Variants in KRT73 observed in about 807,000 individuals in gnomAD.
The protein encoded by KRT73 is keratin 73.
KRT73 carries 44 observed loss-of-function variants against 47.2 expected under a neutral mutation model. The ratio of observed to expected loss-of-function variants is 0.93; its 90% confidence interval spans 0.73 to 1.20. The LOEUF is 1.20. Ranked by LOEUF, KRT73 falls within the 50% of genes most tolerant of loss-of-function variation. The pLI is 0.00. For missense variants in KRT73, 713 were observed against 704.5 expected (o/e 1.01, Z -0.14); for synonymous variants, 285 against 291.3 (o/e 0.98, Z 0.22).
chr12:52,611,101 AG>A, intron 6 of KRT73, 102 bp downstream of exon 6: 2 of 1,416,434 alleles, frequency 1.4e-6, no homozygotes, highest in South Asian at 2.6e-5. Flanking sequence ...CATTTGAAGA[AG>A]GGGATTCTGA....
At chr12:52,624,849 A>G in the KRT73 span, among the ~76,000 whole-genome samples, 1 of 152,082 alleles carries the variant, frequency 6.6e-6, no homozygotes, top group Non-Finnish European at 1.5e-5. Flanking sequence ...TTGGACCTCA[A>G]CTAGTTTCTG....
At chr12:52,608,595 T>TGG in intron 8 of KRT73, 143 bp from the exon 9 acceptor site, 1 of 707,320 alleles carries the variant, frequency 1.4e-6, no homozygotes, top group African/African-American at 1.8e-5. Context: ...CTTGGGTTCA[T>TGG]TTGAGCAACT....
At chr12:52,630,214 G>T in the KRT73 span, among the ~76,000 whole-genome samples, 3 of 140,268 alleles carry the variant, frequency 2.1e-5, no homozygotes, top group African/African-American at 8.3e-5. Flanking sequence ...TTTCAGGAAT[G>T]AATGAGTTAA....
the KRT73 span, among the ~76,000 whole-genome samples, chr12:52,626,831 C>T: frequency 4.9e-4 from 75 of 152,198 alleles, 2 homozygotes; most frequent in South Asian, 0.015. Flanking sequence ...TTTCCATTTG[C>T]CTGGGCTTAT....
rs1199009910 is a variant in KRT73 at position 52,618,538 on chromosome 12, G to GA, written c.-15dup. 1 of 1,583,220 alleles carries GA rather than the reference G, an allele frequency of 6.3e-7. No individual in the cohort carries two copies. Among genetic ancestry groups the GA allele is most frequent in the Admixed American group, 1.8e-5 (1 of 56,706 alleles). Reference sequence around the variant, plus strand: ...TTGGCGGCTCATGGTGGGGAGGCCAGAAAGTGGGGATAAGATGCTGACCCT... The same window carrying GA: ...TTGGCGGCTCATGGTGGGGAGGCCAGAAAAGTGGGGATAAGATGCTGACCCT... On this transcript the variant is annotated 5_prime_UTR_variant, in exon 1 of 9. Coordinates refer to ENST00000305748, the MANE Select transcript of KRT73 (RefSeq NM_175068.3).
At chr12:52,630,398 C>T in the KRT73 span, among the ~76,000 whole-genome samples, 1 of 152,182 alleles carries the variant, frequency 6.6e-6, no homozygotes, top group Non-Finnish European at 1.5e-5. Context: ...GGTCCAGCCT[C>T]CACCTCAGCC....
At chr12:52,629,688 C>G in the KRT73 span, among the ~76,000 whole-genome samples, 2 of 152,240 alleles carry the variant, frequency 1.3e-5, no homozygotes, top group Non-Finnish European at 2.9e-5. Context: ...TCTAGATTGC[C>G]TGTTCGCATG....
the KRT73 span, among the ~76,000 whole-genome samples, chr12:52,627,646 C>T: frequency 6.6e-6 from 1 of 152,186 alleles, no homozygotes; most frequent in African/African-American, 2.4e-5. Context: ...CATTTAGTTA[C>T]CTGATAATAG....
chr12:52,630,550 C>T, the KRT73 span, among the ~76,000 whole-genome samples: 3 of 152,254 alleles, frequency 2.0e-5, no homozygotes, highest in African/African-American at 2.4e-5. Flanking sequence ...CTGCACCCAC[C>T]TATGCTTGTC....
chr12:52,613,768 T>A lies in KRT73; in HGVS notation c.904A>T (p.Ile302Phe). 1 of 1,614,212 alleles carries A rather than the reference T, an allele frequency of 6.2e-7. No homozygotes were observed. The highest frequency in any genetic ancestry group is 1.1e-5 in the South Asian group (1 of 91,076). ...DNNRNLDLDS[I>F]IAEVRAQYEE... ...TACTGGGCACGGACCTCAGCAATGA[T>A]GCTGTCCAGGTCCAGGTTCCGGTTG... Residue 302 changes from isoleucine to phenylalanine, a missense_variant, in exon 5 of 9, where the codon ATC becomes TTC. Coordinates refer to ENST00000305748, the MANE Select transcript of KRT73 (RefSeq NM_175068.3).
chr12:52,617,501 C>T (rs748428913), intron 1 of KRT73, among the ~76,000 whole-genome samples: 2 of 151,962 alleles, frequency 1.3e-5, no homozygotes, highest in Non-Finnish European at 2.9e-5. Context: ...TCTAGGGCAC[C>T]GTGACCTCCA....
chr12:52,613,973 C>T (rs150341000), intron 4 of KRT73, 121 bp from the exon 5 acceptor site: 121 of 1,437,076 alleles, frequency 8.4e-5, no homozygotes, highest in Non-Finnish European at 1.1e-4. Context: ...CTGCACTTCC[C>T]AAAGCTTGTA....
In KRT73 at chr12:52,618,135, G is replaced by C; in HGVS notation, c.390C>G (p.Ala130=). 1 of 1,613,986 alleles carries C rather than the reference G, an allele frequency of 6.2e-7. No individual in the cohort carries two copies. The highest frequency in any genetic ancestry group is 2.2e-5 in the East Asian group (1 of 44,884). ...ELDPEIQKVR[A]QEREQIKVLN... ...GCACCTTGATCTGCTCCCGCTCCTGGGCACGCACTTTCTGGATTTCAGGGT... is the reference window on the plus strand; with the variant it reads ...GCACCTTGATCTGCTCCCGCTCCTGCGCACGCACTTTCTGGATTTCAGGGT... The change falls in exon 1 of 9, where the codon GCC becomes GCG. Residue 130 remains alanine, a synonymous_variant. Transcript: ENST00000305748.
upstream of KRT73, among the ~76,000 whole-genome samples, chr12:52,622,470 G>A (rs1940921420): frequency 6.6e-6 from 1 of 152,148 alleles, no homozygotes; most frequent in African/African-American, 2.4e-5. Context: ...ACCAACTCTG[G>A]GAGAGCAGCT....
At chr12:52,623,641 C>T in the KRT73 span, among the ~76,000 whole-genome samples, 4 of 152,166 alleles carry the variant, frequency 2.6e-5, no homozygotes, top group Admixed American at 2.6e-4. Flanking sequence ...AATTCTAACA[C>T]TGTCTGATGT....
intron 4 of KRT73, chr12:52,614,311 A>C: frequency 7.2e-6 from 3 of 417,308 alleles, no homozygotes; most frequent in Non-Finnish European, 8.5e-6. Flanking sequence ...AGAAGCAGGA[A>C]TGAGAATATG....
upstream of KRT73, among the ~76,000 whole-genome samples, chr12:52,622,214 C>T (rs1197643535): frequency 1.3e-5 from 2 of 152,050 alleles, no homozygotes; most frequent in African/African-American, 4.8e-5. Flanking sequence ...AAAGCAGCCA[C>T]AATAAACATG....
Position 52,610,766 on chromosome 12 carries a change from C to T in KRT73, c.1180G>A (p.Ala394Thr). ...GCGCCCTCCAGCTCATCCAGCTTGGCCCTGGCATCCTTGAGGGCACAGTCC... is the reference window on the plus strand; with the variant it reads ...GCGCCCTCCAGCTCATCCAGCTTGGTCCTGGCATCCTTGAGGGCACAGTCC... Reference protein sequence around the residue: ...RGDCALKDARAKLDELEGALQ... With the variant: ...RGDCALKDARTKLDELEGALQ... The change falls in exon 7 of 9, where the codon GCC becomes ACC. Residue 394 changes from alanine (A) to threonine (T), a missense_variant. By Grantham distance (58) the Ala-to-Thr change is moderately conservative. Transcript: ENST00000305748. The T allele has an allele frequency of 6.2e-7, 1 of 1,613,856 alleles. No homozygotes were observed. The highest frequency in any genetic ancestry group is 8.5e-7 in the Non-Finnish European group (1 of 1,180,008).
At chr12:52,617,628 C>T (rs896620561) in intron 1 of KRT73, among the ~76,000 whole-genome samples, 1 of 152,192 alleles carries the variant, frequency 6.6e-6, no homozygotes, top group African/African-American at 2.4e-5. Flanking sequence ...AAGGGCATCT[C>T]CTTCGCCTAG....
Sources: gnomAD v4.1 joint callset for allele counts (sites outside exome capture counted in the v4.1 genomes callset) on GRCh38, gnomAD v4.1.1 for gene constraint, MANE v1.5 for transcripts, NCBI Gene and HGNC (gene_info 2026-07-23, HGNC 2026-07-21) for gene names.